The following ZNF675 variants were observed in gnomAD, a reference collection of about 807,000 sequenced individuals.
ZNF675 encodes the protein zinc finger protein 675.
Under a neutral mutation model 56.1 loss-of-function variants are expected in ZNF675, and 36 were observed. That is an observed-to-expected ratio of 0.64 (90% confidence interval 0.49 to 0.85). The LOEUF (loss-of-function observed/expected upper bound fraction) is 0.85. Ranked by LOEUF, ZNF675 falls within the 40% of genes least tolerant of loss-of-function variation. The pLI, the probability that ZNF675 is intolerant of heterozygous loss-of-function variation, is 0.00. For missense variants in ZNF675, 663 were observed against 654.2 expected (o/e 1.01, Z -0.15); for synonymous variants, 200 against 218.9 (o/e 0.91, Z 0.76).
In ZNF675 at chr19:23,654,110, T is replaced by C. The variant is rs771650669; in HGVS notation, c.823A>G (p.Lys275Glu). The change falls in exon 4 of 4, where the codon AAG (lysine) becomes GAG (glutamate). Residue 275 changes from lysine to glutamate, a missense_variant. Coordinates refer to ENST00000359788, the MANE Select transcript of ZNF675 (RefSeq NM_138330.3). ...GGTTTCTCTCCTGTATGAATTATCT[T>C]ATGTGTAGTAAGGTGTGAGGACTGG... Reference protein sequence around the residue: ...FNQSSHLTTHKIIHTGEKPYK... With the variant: ...FNQSSHLTTHEIIHTGEKPYK... 2.5e-6 allele frequency: 4 copies of C among 1,613,986 alleles called. No individual in the cohort carries two copies. The highest frequency in any genetic ancestry group is 3.4e-6 in the Non-Finnish European group (4 of 1,179,996).
At chr19:23,658,856 T>TATCTATAG in intron 3 of ZNF675, among the ~76,000 whole-genome samples, 1 of 39,336 alleles carries the variant, frequency 2.5e-5, no homozygotes, top group African/African-American at 7.2e-5. Context: ...TCTATATAGA[T>TATCTATAG]ATAGAAATAG....
intron 1 of ZNF675, among the ~76,000 whole-genome samples, chr19:23,685,109 C>A (rs1324757161): frequency 6.6e-6 from 1 of 152,104 alleles, no homozygotes; most frequent in African/African-American, 2.4e-5. Flanking sequence ...GGATTACAGG[C>A]AGCCACCACC....
At chr19:23,664,742 G>C (rs540214214) in intron 1 of ZNF675, among the ~76,000 whole-genome samples, 1 of 152,202 alleles carries the variant, frequency 6.6e-6, no homozygotes, top group South Asian at 2.1e-4. Context: ...CTCGAGGCCA[G>C]GAATTTGAGA....
chr19:23,683,393 T>C (rs1437458237), intron 1 of ZNF675, among the ~76,000 whole-genome samples: 1 of 151,924 alleles, frequency 6.6e-6, no homozygotes, highest in Non-Finnish European at 1.5e-5. Context: ...AATTATCTAC[T>C]ACATTTTCTT....
chr19:23,655,819 A>G (rs1182454110), intron 3 of ZNF675: 1 of 152,218 alleles, frequency 6.6e-6, no homozygotes, highest in African/African-American at 2.4e-5. Flanking sequence ...AGTCTTATTA[A>G]ATTTAAGAAT....
intron 1 of ZNF675, 137 bp from the exon 2 acceptor site, chr19:23,663,295 T>C (rs1968106452): frequency 8.8e-7 from 1 of 1,141,290 alleles, no homozygotes; most frequent in Non-Finnish European, 1.2e-6. Flanking sequence ...AAAATCATAT[T>C]TTTTACACAG....
chr19:23,670,734 A>C (rs569090638), intron 1 of ZNF675, among the ~76,000 whole-genome samples: 1 of 152,288 alleles, frequency 6.6e-6, no homozygotes, highest in East Asian at 1.9e-4. Context: ...CAACAATGTA[A>C]GGAGAAGCTA....
At chr19:23,671,172 GA>G (rs1968222560) in intron 1 of ZNF675, among the ~76,000 whole-genome samples, 1 of 152,132 alleles carries the variant, frequency 6.6e-6, no homozygotes, top group African/African-American at 2.4e-5. Flanking sequence ...TTCCTGAAGG[GA>G]AAATACTAAT....
intron 1 of ZNF675, among the ~76,000 whole-genome samples, chr19:23,670,718 G>A (rs1968217364): frequency 6.6e-6 from 1 of 152,094 alleles, no homozygotes; most frequent in African/African-American, 2.4e-5. Flanking sequence ...CTATATAACT[G>A]ATACGCAACA....
At chr19:23,660,373 G>T (rs560394135) in intron 3 of ZNF675, among the ~76,000 whole-genome samples, 1 of 152,324 alleles carries the variant, frequency 6.6e-6, no homozygotes, top group South Asian at 2.1e-4. Context: ...AACACTGAAA[G>T]TATTGGCAGA....
chr19:23,684,276 A>T (rs1369909029), intron 1 of ZNF675, among the ~76,000 whole-genome samples: 1 of 142,682 alleles, frequency 7.0e-6, no homozygotes, highest in African/African-American at 2.5e-5. Flanking sequence ...AAAAAAAAAA[A>T]AAAAAACTAA....
At position 23,663,093 on chromosome 19, in the gene ZNF675, A is replaced by G. The variant is rs567952846; in HGVS notation, c.69T>C (p.Thr23=). 6.8e-6 allele frequency: 11 copies of G among 1,607,910 alleles called. No homozygotes were observed. In the Admixed American group the frequency reaches 1.2e-4, roughly 17 times the overall value. ...CATTTTTATATAAATTCCGCTGTGC[A>G]GTGTCCAGGCATTGCCATTCTTCCA... is the stretch of plus-strand genomic sequence containing the variant. ...FSLEEWQCLD[T]AQRNLYKNVI... is the part of the protein sequence containing the mutation. Residue 23 remains threonine, a synonymous_variant, in exon 2 of 4, where the codon ACT becomes ACC. Transcript: ENST00000359788.
intron 1 of ZNF675, among the ~76,000 whole-genome samples, chr19:23,664,739 C>G (rs1182357477): frequency 2.6e-5 from 4 of 151,570 alleles, no homozygotes; most frequent in African/African-American, 9.7e-5. Flanking sequence ...TCACTCGAGG[C>G]CAGGAATTTG....
chr19:23,660,429 A>T (rs1968060739), intron 3 of ZNF675, among the ~76,000 whole-genome samples: 1 of 152,372 alleles, frequency 6.6e-6, no homozygotes, highest in South Asian at 2.1e-4. Context: ...TTGAAGACAC[A>T]TAAGTAAAAA....
chr19:23,669,865 A>T (rs1175896615), intron 1 of ZNF675, among the ~76,000 whole-genome samples: 2 of 1,070 alleles, frequency 1.9e-3, no homozygotes, highest in South Asian at 0.12. Context: ...AAAAAAATTA[A>T]AAAAAAAAAA....
rs1356068961 is a variant in ZNF675, at chr19:23,687,072, A to T, written c.-39T>A. On this transcript the variant is annotated 5_prime_UTR_variant, in exon 1 of 4. Coordinates refer to ENST00000359788, the MANE Select transcript of ZNF675 (RefSeq NM_138330.3). Reference sequence around the variant, plus strand: ...GGGGGTCCTGGAGTCTTAGCTGTGGATCTCTCAATTTCTGCAGGTCACAGG... The same window carrying T: ...GGGGGTCCTGGAGTCTTAGCTGTGGTTCTCTCAATTTCTGCAGGTCACAGG... 1 of 1,612,802 alleles carries T rather than the reference A, an allele frequency of 6.2e-7. No individual in the cohort carries two copies. Among genetic ancestry groups the T allele is most frequent in the African/African-American group, 1.3e-5 (1 of 74,926 alleles).
intron 1 of ZNF675, among the ~76,000 whole-genome samples, chr19:23,664,882 C>T (rs942999638): frequency 3.9e-5 from 6 of 151,988 alleles, no homozygotes; most frequent in African/African-American, 1.2e-4. Flanking sequence ...ACCTGGCAGG[C>T]GAATGTTGCA....
intron 1 of ZNF675, among the ~76,000 whole-genome samples, chr19:23,667,411 C>T (rs4932890): frequency 0.97 from 147,846 of 152,184 alleles, 71,977 homozygotes; most frequent in Middle Eastern, 1. Context: ...TATTGTCTTA[C>T]CTGGCCCCAC....
intron 3 of ZNF675, among the ~76,000 whole-genome samples, chr19:23,661,123 G>C (rs1257951245): frequency 6.6e-6 from 1 of 151,838 alleles, no homozygotes; most frequent in Admixed American, 6.6e-5. Flanking sequence ...TAGACACCGG[G>C]TTTCACCATG....
Sources: allele counts gnomAD v4.1 joint callset (sites outside exome capture counted in the v4.1 genomes callset), GRCh38; gene constraint gnomAD v4.1.1; transcripts MANE v1.5; gene names NCBI Gene and HGNC (gene_info 2026-07-23, HGNC 2026-07-21).